VAV2: variants seen among roughly 807,000 people sequenced by gnomAD.
VAV2 encodes guanine nucleotide exchange factor VAV2.
In VAV2, 67 loss-of-function variants were observed where a neutral mutation model predicts 132.5. That is an observed-to-expected ratio of 0.51 (90% CI 0.42 to 0.62). The LOEUF (loss-of-function observed/expected upper bound fraction) is 0.62. Ranked by LOEUF, VAV2 falls within the 20% of genes least tolerant of loss-of-function variation. The probability of loss-of-function intolerance (pLI) is 0.00; values close to 1 mark genes in which losing one functional copy is unlikely to be tolerated. For missense variants in VAV2, 938 were observed against 1,153.6 expected (o/e 0.81, Z 2.71); for synonymous variants, 492 against 443.5 (o/e 1.11, Z -1.37).
At chr9:133,905,040 C>T (rs1358185596) in intron 2 of VAV2, among the ~76,000 whole-genome samples, 1 of 152,154 alleles carries the variant, frequency 6.6e-6, no homozygotes, top group African/African-American at 2.4e-5. Context: ...CAGCACCACA[C>T]GTGGAGGCTT....
rs549975448 is a variant in VAV2, at chr9:133,923,252, T to G, written c.321+15851A>C. Among the ~76,000 whole-genome samples the G allele has an allele frequency of 1.2e-4, 19 of 152,298 alleles. 1 individual carries two copies. The highest frequency in any genetic ancestry group is 3.9e-4 in the African/African-American group (16 of 41,558). On this transcript the variant is annotated intron_variant, in intron 2 of 29. Transcript: ENST00000371850. ...CACAGCTGGTGGTCATGGAAAATGGTGACGCCACTGGGGAGAACAGTACGG... is the reference window on the plus strand; with the variant it reads ...CACAGCTGGTGGTCATGGAAAATGGGGACGCCACTGGGGAGAACAGTACGG...
intron 29 of VAV2, among the ~76,000 whole-genome samples, chr9:133,767,691 C>G (rs767554018): frequency 4.6e-5 from 7 of 152,172 alleles, no homozygotes; most frequent in Non-Finnish European, 8.8e-5. Flanking sequence ...AGAGCTGCTC[C>G]GGCCACTGGA....
At chr9:133,778,947 G>T (rs1169305491) in intron 21 of VAV2, 58 bp from the exon 22 acceptor site, 4 of 1,586,816 alleles carry the variant, frequency 2.5e-6, no homozygotes, top group Non-Finnish European at 3.4e-6. Context: ...TGACTGACTT[G>T]GCCCCGGCCC....
chr9:133,915,319 G>A (rs894814271), intron 2 of VAV2, among the ~76,000 whole-genome samples: 3 of 152,076 alleles, frequency 2.0e-5, no homozygotes, highest in African/African-American at 7.2e-5. Flanking sequence ...TTGAATTCCC[G>A]GCAGCCACCA....
At chr9:133,809,169 C>A in intron 6 of VAV2, 31 bp from the exon 7 acceptor site, 2 of 1,599,756 alleles carry the variant, frequency 1.3e-6, no homozygotes, top group Non-Finnish European at 1.7e-6. Context: ...TCAGCAGGAC[C>A]CCATGGGCCC....
chr9:133,927,743 A>G (rs1840530860), intron 2 of VAV2: 1 of 152,316 alleles, frequency 6.6e-6, no homozygotes, highest in African/African-American at 2.4e-5. Flanking sequence ...TCAAGCAGGT[A>G]CAAGTTCCCA....
rs1367334579 is a variant in VAV2 at position 133,826,265 on chromosome 9, T to G, written c.449+8007A>C. Among the ~76,000 whole-genome samples, 1 of 152,134 alleles carries G rather than the reference T, an allele frequency of 6.6e-6. No homozygotes were observed. Among genetic ancestry groups the G allele is most frequent in the African/African-American group, 2.4e-5 (1 of 41,428 alleles). Reference sequence around the variant, plus strand: ...AGGAAAGGAAAGGCCAGCTAGACCTTGGGCCCTGGTGACCCGCCACACTAA... The same window carrying G: ...AGGAAAGGAAAGGCCAGCTAGACCTGGGGCCCTGGTGACCCGCCACACTAA... On this transcript the variant is annotated intron_variant, in intron 4 of 29. Transcript: ENST00000371850. This position sits in a 1 kb window ranked among gnomAD's most constrained non-coding sequence, Gnocchi z 4.2.
rs1160242481 is a variant in VAV2 at position 133,992,127 on chromosome 9, G to A, written c.152C>T (p.Ser51Phe). ...VLLCQLLHNL[S>F]PGSIDLKDIN... Reference sequence around the variant, plus strand: ...GTCCTTGAGGTCGATGGAGCCGGGGGAGAGGTTGTGCAGCAGCTGGCACAG... The same window carrying A: ...GTCCTTGAGGTCGATGGAGCCGGGGAAGAGGTTGTGCAGCAGCTGGCACAG... Residue 51 changes from serine (S) to phenylalanine (F), a missense_variant, in exon 1 of 30, where the codon TCC becomes TTC. Coordinates refer to ENST00000371850, the MANE Select transcript of VAV2 (RefSeq NM_001134398.2). This position sits in a 1 kb window ranked among gnomAD's most constrained non-coding sequence, Gnocchi z 5.5. 3.8e-6 allele frequency: 6 copies of A among 1,594,584 alleles called. No homozygotes were observed. The highest frequency in any genetic ancestry group is 5.1e-6 in the Non-Finnish European group (6 of 1,171,194).
intron 2 of VAV2, among the ~76,000 whole-genome samples, chr9:133,903,387 C>T (rs1239166653): frequency 6.6e-6 from 1 of 152,206 alleles, no homozygotes; most frequent in African/African-American, 2.4e-5. Context: ...CCACCCTGCA[C>T]CGGGATTCCC....
intron 2 of VAV2, among the ~76,000 whole-genome samples, chr9:133,868,316 A>G (rs1338071299): frequency 6.6e-6 from 1 of 152,200 alleles, no homozygotes; most frequent in African/African-American, 2.4e-5. Flanking sequence ...GGGAGAAGGA[A>G]GAGAAATGAG....
chr9:133,811,986 C>T (rs1243809194), intron 5 of VAV2, 128 bp downstream of exon 5: 6 of 921,228 alleles, frequency 6.5e-6, no homozygotes, highest in Non-Finnish European at 1.0e-5. Flanking sequence ...TGGACGTCCC[C>T]CTGCACCCAG....
intron 9 of VAV2, among the ~76,000 whole-genome samples, chr9:133,803,260 C>T (rs1212943554): frequency 6.6e-6 from 1 of 152,204 alleles, no homozygotes; most frequent in Non-Finnish European, 1.5e-5. Flanking sequence ...TGCATTCCTC[C>T]CAAAAGCGCT....
Position 133,992,015 on chromosome 9 carries a change from CGCGCGTCGGGCA to C in VAV2, c.204+48_204+59del, listed in dbSNP as rs1843038371. The C allele has an allele frequency of 7.2e-7, 1 of 1,381,044 alleles. No individual in the cohort carries two copies. The highest frequency in any genetic ancestry group is 1.5e-5 in the African/African-American group (1 of 65,226). The allele number at this position is 1,381,044 out of a possible 1,614,324, so 85.5% of individuals were successfully genotyped here. A position where few individuals can be genotyped will look rare whatever the true frequency, so the allele number is the denominator to read the frequency against. The stretch of plus-strand genomic sequence containing the variant: ...GCCGCTGCGACCTCCGCGTTCAGTC[CGCGCGTCGGGCA>C]GCGCGAACGCCGCCTCCCCGGGGCC... On this transcript the variant is annotated intron_variant, in intron 1 of 29. Transcript: ENST00000371850. The surrounding 1 kb of genome is among the most constrained non-coding windows in gnomAD (Gnocchi z 5.5).
chr9:133,954,444 A>G (rs1841675868), intron 1 of VAV2, among the ~76,000 whole-genome samples: 1 of 152,264 alleles, frequency 6.6e-6, no homozygotes, highest in African/African-American at 2.4e-5. Context: ...TGGTGCTGGA[A>G]AGGACCCAAA....
At chr9:133,820,615 G>A (rs967880821) in intron 4 of VAV2, among the ~76,000 whole-genome samples, 5 of 152,130 alleles carry the variant, frequency 3.3e-5, no homozygotes, top group South Asian at 2.1e-4. Flanking sequence ...GTGAGCCACC[G>A]CGCCCGGCCT....
At chr9:133,797,638 T>A (rs919111601) in intron 10 of VAV2, 72 bp downstream of exon 10, 2 of 1,330,434 alleles carry the variant, frequency 1.5e-6, no homozygotes, top group African/African-American at 2.9e-5. Flanking sequence ...GAGAGGCTGG[T>A]ACCTAACGAG....
In VAV2 at chr9:133,797,704, A is replaced by G; in HGVS notation, c.936+6T>C. 1 of 1,613,022 alleles carries G rather than the reference A, an allele frequency of 6.2e-7. No homozygotes were observed. The highest frequency in any genetic ancestry group is 8.5e-7 in the Non-Finnish European group (1 of 1,179,602). On this transcript the variant is annotated splice_donor_region_variant and intron_variant, in intron 10 of 29. Coordinates refer to ENST00000371850, the MANE Select transcript of VAV2 (RefSeq NM_001134398.2). ...AGGGCCAGGGCCAACGCCTGGCAGG[A>G]CTTACCTCGACTTTCTGCCTGAAGT... is the stretch of plus-strand genomic sequence containing the variant.
chr9:133,884,753 G>A lies in VAV2; in HGVS notation c.322-23321C>T, dbSNP rs181977421. Among the ~76,000 whole-genome samples, 29 of 152,282 alleles carry A rather than the reference G, an allele frequency of 1.9e-4. No homozygotes were observed. In the East Asian group the frequency reaches 1.9e-3, roughly 10 times the overall value. ...TTAGCTTTATTCACTCAAAACACACGGATAAGCTTGACGGCTCCGTGAGAA... is the reference window on the plus strand; with the variant it reads ...TTAGCTTTATTCACTCAAAACACACAGATAAGCTTGACGGCTCCGTGAGAA... On this transcript the variant is annotated intron_variant, in intron 2 of 29. Coordinates refer to ENST00000371850, the MANE Select transcript of VAV2 (RefSeq NM_001134398.2). This position sits in a 1 kb window ranked among gnomAD's most constrained non-coding sequence, Gnocchi z 5.3.
intron 4 of VAV2, among the ~76,000 whole-genome samples, chr9:133,813,102 T>TG (rs1322138652): frequency 1.3e-5 from 2 of 152,162 alleles, no homozygotes; most frequent in Non-Finnish European, 2.9e-5. Flanking sequence ...AACCACCCCC[T>TG]GTTCCCACAG....
Sources: allele counts gnomAD v4.1 joint callset (sites outside exome capture counted in the v4.1 genomes callset), GRCh38; gene constraint gnomAD v4.1.1; non-coding constraint Gnocchi (gnomAD v3.1); transcripts MANE v1.5; gene names NCBI Gene and HGNC (gene_info 2026-07-23, HGNC 2026-07-21).